The following MAK variants were observed in gnomAD, a reference collection of about 807,000 sequenced individuals.
MAK encodes the protein male germ cell associated kinase, also known as serine/threonine-protein kinase MAK.
Under a neutral mutation model 82.6 loss-of-function variants are expected in MAK, and 65 were observed. The observed-to-expected ratio is 0.79, with a 90% CI of 0.64 to 0.97. The LOEUF is 0.97. MAK is among the 50% of genes least tolerant of loss of function. The probability of loss-of-function intolerance (pLI) is 0.00; values close to 1 mark genes in which losing one functional copy is unlikely to be tolerated. For synonymous variants in MAK, 250 were observed against 274.2 expected, an observed-to-expected ratio of 0.91 and a Z score of 0.87; for missense variants, 703 against 780.2, an observed-to-expected ratio of 0.90 and a Z score of 1.18.
At chr6:10,794,875 C>T (rs1187278504) in intron 9 of MAK, among the ~76,000 whole-genome samples, 1 of 151,990 alleles carries the variant, frequency 6.6e-6, no homozygotes, top group Non-Finnish European at 1.5e-5. Context: ...GCCTGTAATC[C>T]GAGCTACTCA....
In MAK at chr6:10,812,556, A is replaced by G. The variant is rs140638593; in HGVS notation, c.358+1088T>C. ...AAAACACTGCTCCGTGGGTGCTACA[A>G]ACTATTTAAGTGTTAATAATTGGTC... On this transcript the variant is annotated intron_variant, in intron 5 of 14. Coordinates refer to ENST00000354489, the MANE Select transcript of MAK (RefSeq NM_001242957.3). 2.4e-4 allele frequency among the ~76,000 whole-genome samples: 37 copies of G among 152,268 alleles called. 2 individuals are homozygous for G. In the East Asian group the frequency reaches 6.4e-3, roughly 26 times the overall value.
intron 10 of MAK, among the ~76,000 whole-genome samples, chr6:10,785,870 C>G (rs1009371385): frequency 6.6e-6 from 1 of 152,208 alleles, no homozygotes; most frequent in African/African-American, 2.4e-5. Flanking sequence ...TTAATTCCAA[C>G]TAGGTATTTA....
At chr6:10,779,850 A>G (rs1419449024) in intron 11 of MAK, among the ~76,000 whole-genome samples, 3 of 151,976 alleles carry the variant, frequency 2.0e-5, no homozygotes, top group Admixed American at 6.6e-5. Flanking sequence ...ATGCCTGGCT[A>G]ATTTTTTTGT....
At chr6:10,817,747 C>A in intron 4 of MAK, 103 bp downstream of exon 4, 1 of 979,790 alleles carries the variant, frequency 1.0e-6, no homozygotes, top group South Asian at 1.5e-5. Flanking sequence ...TTTAAATTTA[C>A]CTTTTGGAGC....
intron 5 of MAK, among the ~76,000 whole-genome samples, chr6:10,810,586 G>A (rs1056622062): frequency 2.6e-5 from 4 of 152,098 alleles, no homozygotes; most frequent in Admixed American, 1.3e-4. Context: ...TGATCCACCT[G>A]CTTCACCCTC....
At chr6:10,773,761 G>A (rs759384345) in intron 12 of MAK, among the ~76,000 whole-genome samples, 3 of 146,242 alleles carry the variant, frequency 2.1e-5, no homozygotes, top group Non-Finnish European at 4.5e-5. Flanking sequence ...GTGTGATCTC[G>A]GCTCACTGCA....
chr6:10,785,685 A>G (rs1774478424), intron 10 of MAK, among the ~76,000 whole-genome samples: 1 of 151,996 alleles, frequency 6.6e-6, no homozygotes, highest in African/African-American at 2.4e-5. Context: ...TCCCAAAACT[A>G]CTCACTCTAA....
intron 6 of MAK, 76 bp from the exon 7 acceptor site, chr6:10,803,967 T>C (rs562524680): frequency 8.0e-7 from 1 of 1,252,852 alleles, no homozygotes; most frequent in African/African-American, 1.5e-5. Flanking sequence ...TTCTACGCTG[T>C]GTGGTCATGC....
chr6:10,783,991 C>G (rs974730877), intron 11 of MAK, among the ~76,000 whole-genome samples: 7 of 152,034 alleles, frequency 4.6e-5, no homozygotes, highest in Non-Finnish European at 8.8e-5. Flanking sequence ...TGCACTCCAG[C>G]CTGGGCGACA....
intron 4 of MAK, 103 bp from the exon 5 acceptor site, chr6:10,813,826 A>G (rs1020559478): frequency 2.6e-6 from 2 of 764,542 alleles, no homozygotes; most frequent in African/African-American, 3.4e-5. Context: ...TGGCCTCACG[A>G]TACTGGTTAA....
chr6:10,764,387 C>T lies in MAK; in HGVS notation c.*65G>A. ...TAGAAATAGACATTTGTAGACATTT[C>T]CCAGGGTCAAGGAACTTGCACGTAC... On this transcript the variant is annotated 3_prime_UTR_variant, in exon 15 of 15. Coordinates refer to ENST00000354489, the MANE Select transcript of MAK (RefSeq NM_001242957.3). 4.5e-6 allele frequency: 7 copies of T among 1,539,574 alleles called. No homozygotes were observed. In the South Asian group the frequency reaches 5.7e-5, roughly 12 times the overall value.
At chr6:10,790,499 T>C (rs1313836983) in intron 10 of MAK, among the ~76,000 whole-genome samples, 1 of 152,124 alleles carries the variant, frequency 6.6e-6, no homozygotes, top group Non-Finnish European at 1.5e-5. Context: ...GTACTAAGGA[T>C]GACCTCACTT....
At position 10,776,509 on chromosome 6, in the gene MAK, TTTTC is replaced by T. The variant is rs760022378; in HGVS notation, c.1466-1054_1466-1051del. Reference sequence around the variant, plus strand: ...ATGCCTTTTGGTCATTCACGGAGAGTTTTCTTTATCTAGTGTAGAAATCATCACT... The same window carrying T: ...ATGCCTTTTGGTCATTCACGGAGAGTTTTATCTAGTGTAGAAATCATCACT... On this transcript the variant is annotated intron_variant, in intron 11 of 14. Coordinates refer to ENST00000354489, the MANE Select transcript of MAK (RefSeq NM_001242957.3). This position sits in a 1 kb window ranked among gnomAD's most constrained non-coding sequence, Gnocchi z 4.3. Among the ~76,000 whole-genome samples the T allele has an allele frequency of 5.3e-5, 8 of 151,940 alleles. No homozygotes were observed. Among genetic ancestry groups the T allele is most frequent in the Non-Finnish European group, 1.0e-4 (7 of 67,990 alleles).
chr6:10,796,841 T>C (rs1472135166), intron 8 of MAK, among the ~76,000 whole-genome samples: 2 of 144,672 alleles, frequency 1.4e-5, no homozygotes, highest in African/African-American at 2.5e-5. Context: ...TAGGAAAAAA[T>C]AGAAAGCTCA....
chr6:10,787,486 TTAA>T (rs777180857), intron 10 of MAK, among the ~76,000 whole-genome samples: 1 of 152,130 alleles, frequency 6.6e-6, no homozygotes, highest in Non-Finnish European at 1.5e-5. Context: ...TGGTAGTATA[TTAA>T]TAATAATGAT....
At chr6:10,813,822 C>T in intron 4 of MAK, 99 bp from the exon 5 acceptor site, 1 of 768,022 alleles carries the variant, frequency 1.3e-6, no homozygotes, top group Non-Finnish European at 2.4e-6. Context: ...CTACTGGCCT[C>T]ACGATACTGG....
At chr6:10,765,440 A>ATTTTTTTTTTTTTTTTTTTT (rs200536068) in intron 14 of MAK, among the ~76,000 whole-genome samples, 5 of 130,642 alleles carry the variant, frequency 3.8e-5, no homozygotes, top group African/African-American at 1.7e-4. Flanking sequence ...TAGAATGAAG[A>ATTTTTTTTTTTTTTTTTTTT]TTTTTTTTTT....
intron 9 of MAK, among the ~76,000 whole-genome samples, 192 bp downstream of exon 9, chr6:10,795,806 G>T (rs1246720669): frequency 6.6e-6 from 1 of 152,148 alleles, no homozygotes; most frequent in East Asian, 1.9e-4. Flanking sequence ...CTTTTATCCT[G>T]AAAGTTTTTC....
chr6:10,827,601 A>C (rs1158974893), intron 2 of MAK: 1 of 152,208 alleles, frequency 6.6e-6, no homozygotes, highest in East Asian at 1.9e-4. Context: ...TTTTCGTACT[A>C]ATTCACATTA....
Sources: gnomAD v4.1 joint callset for allele counts (sites outside exome capture counted in the v4.1 genomes callset) on GRCh38, gnomAD v4.1.1 for gene constraint, Gnocchi (gnomAD v3.1) non-coding constraint, MANE v1.5 for transcripts, NCBI Gene and HGNC (gene_info 2026-07-23, HGNC 2026-07-21) for gene names.